Variants in PCSK2 observed in about 807,000 individuals in gnomAD.
PCSK2 encodes the protein proprotein convertase subtilisin/kexin type 2.
In PCSK2, 14 loss-of-function variants were observed where a neutral mutation model predicts 69.7. The ratio of observed to expected loss-of-function variants is 0.20; its 90% CI spans 0.13 to 0.31. The LOEUF is 0.31. Ranked by LOEUF, PCSK2 falls within the 10% of genes least tolerant of loss-of-function variation. The pLI is 1.00. For missense variants in PCSK2, 544 were observed against 842.5 expected, an observed-to-expected ratio of 0.65 and a Z score of 4.39; for synonymous variants, 307 against 320.7, an observed-to-expected ratio of 0.96 and a Z score of 0.46.
At chr20:17,322,891 G>A (rs1174133229) in intron 2 of PCSK2, among the ~76,000 whole-genome samples, 1 of 152,088 alleles carries the variant, frequency 6.6e-6, no homozygotes, top group South Asian at 2.1e-4. Context: ...TTGAGATGGA[G>A]TTCACTCTGT....
chr20:17,346,003 A>G (rs187120614), intron 2 of PCSK2, among the ~76,000 whole-genome samples: 4 of 152,310 alleles, frequency 2.6e-5, no homozygotes, highest in Admixed American at 6.5e-5. Context: ...GCATAATTGA[A>G]TGAAACTGCA....
At chr20:17,435,613 C>T (rs909410592) in intron 7 of PCSK2, among the ~76,000 whole-genome samples, 20 of 152,142 alleles carry the variant, frequency 1.3e-4, no homozygotes, top group African/African-American at 2.9e-4. Flanking sequence ...CTTTGGCCAC[C>T]GGGGACAAGG....
intron 1 of PCSK2, among the ~76,000 whole-genome samples, chr20:17,251,649 C>CT (rs928214115): frequency 1.3e-5 from 2 of 152,106 alleles, no homozygotes; most frequent in Non-Finnish European, 2.9e-5. Flanking sequence ...AGAAATAAAA[C>CT]TTTTTTTTCA....
At chr20:17,455,377 A>C (rs1380687768) in intron 9 of PCSK2, among the ~76,000 whole-genome samples, 1 of 152,160 alleles carries the variant, frequency 6.6e-6, no homozygotes, top group Non-Finnish European at 1.5e-5. Context: ...AAACATTGAA[A>C]ATGAGGTTTT....
intron 2 of PCSK2, among the ~76,000 whole-genome samples, chr20:17,306,215 T>C (rs1357386639): frequency 6.6e-6 from 1 of 152,196 alleles, no homozygotes; most frequent in Admixed American, 6.5e-5. Flanking sequence ...AGTCGTTTCT[T>C]GGTTTGTAGA....
intron 5 of PCSK2, among the ~76,000 whole-genome samples, chr20:17,389,651 T>C (rs1291690155): frequency 2.6e-5 from 4 of 152,148 alleles, no homozygotes; most frequent in Admixed American, 1.3e-4. Flanking sequence ...ATCTTATCTC[T>C]CTAATCTGGG....
chr20:17,463,136 GCT>G (rs11468169), intron 10 of PCSK2, among the ~76,000 whole-genome samples: 63,504 of 151,822 alleles, frequency 0.42, 13,369 homozygotes, highest in South Asian at 0.6. Flanking sequence ...TCTCTCTCAT[GCT>G]CTCTCTCTTT....
At chr20:17,441,194 C>T (rs2032588306) in intron 8 of PCSK2, among the ~76,000 whole-genome samples, 8 of 152,208 alleles carry the variant, frequency 5.3e-5, no homozygotes, top group Admixed American at 1.3e-4. Context: ...CAGCTGCCAC[C>T]TGCCCTTGAT....
At chr20:17,234,903 T>C (rs1421071473) in intron 1 of PCSK2, among the ~76,000 whole-genome samples, 3 of 152,178 alleles carry the variant, frequency 2.0e-5, no homozygotes, top group African/African-American at 4.8e-5. Flanking sequence ...AACTCTGTGC[T>C]GAATTTGTGA....
At chr20:17,472,639 T>C (rs1414479454) in intron 11 of PCSK2, among the ~76,000 whole-genome samples, 1 of 152,194 alleles carries the variant, frequency 6.6e-6, no homozygotes, top group East Asian at 1.9e-4. Flanking sequence ...CGATCTTGGC[T>C]CACTACAACC....
At chr20:17,325,555 T>A (rs1990020868) in intron 2 of PCSK2, among the ~76,000 whole-genome samples, 1 of 152,242 alleles carries the variant, frequency 6.6e-6, no homozygotes, top group Non-Finnish European at 1.5e-5. Flanking sequence ...TGGTAGGTCA[T>A]ATCTCAATTA....
intron 5 of PCSK2, among the ~76,000 whole-genome samples, chr20:17,404,243 CCA>C (rs2031705593): frequency 6.6e-6 from 1 of 152,192 alleles, no homozygotes; most frequent in African/African-American, 2.4e-5. Context: ...TGTAGTTGGA[CCA>C]CAGAGTTTGC....
chr20:17,303,743 A>T (rs1345705439), intron 2 of PCSK2, among the ~76,000 whole-genome samples: 2 of 145,678 alleles, frequency 1.4e-5, no homozygotes. Context: ...CACCCATCTA[A>T]TTTTTGTATT....
In PCSK2 at chr20:17,348,645, A is replaced by C. The variant is rs142767786; in HGVS notation, c.283-9682A>C. 8.7e-3 allele frequency among the ~76,000 whole-genome samples: 1,320 copies of C among 152,288 alleles called. 19 individuals carry two copies. The highest frequency in any genetic ancestry group is 0.029 in the African/African-American group (1,209 of 41,562). ...GTATGGAGGTAAAAGTCTCAGATGA[A>C]GGTGTCATCAGGGTTGGTTTCATCA... On this transcript the variant is annotated intron_variant, in intron 2 of 11. Coordinates refer to ENST00000262545, the MANE Select transcript of PCSK2 (RefSeq NM_002594.5).
At chr20:17,385,642 T>C (rs973489113) in intron 5 of PCSK2, among the ~76,000 whole-genome samples, 6 of 152,186 alleles carry the variant, frequency 3.9e-5, no homozygotes, top group African/African-American at 1.4e-4. Context: ...TTTACTGTCT[T>C]AGCTGGGATT....
intron 2 of PCSK2, among the ~76,000 whole-genome samples, chr20:17,345,948 T>C (rs1023828482): frequency 4.6e-5 from 7 of 152,204 alleles, no homozygotes; most frequent in African/African-American, 7.2e-5. Context: ...ACACATGACC[T>C]TGATGCTATT....
intron 11 of PCSK2, among the ~76,000 whole-genome samples, chr20:17,470,130 GC>G (rs2033175590): frequency 6.6e-6 from 1 of 152,166 alleles, no homozygotes; most frequent in African/African-American, 2.4e-5. Flanking sequence ...CATGAAATGG[GC>G]GTTGACAACT....
intron 2 of PCSK2, among the ~76,000 whole-genome samples, chr20:17,332,174 G>A (rs1185376761): frequency 1.3e-5 from 2 of 152,178 alleles, no homozygotes; most frequent in Non-Finnish European, 2.9e-5. Context: ...CTCATTAACA[G>A]CTACTAAATG....
chr20:17,345,550 G>A (rs1251699472), intron 2 of PCSK2, among the ~76,000 whole-genome samples: 1 of 152,144 alleles, frequency 6.6e-6, no homozygotes, highest in South Asian at 2.1e-4. Flanking sequence ...AAACAAATGG[G>A]CATAGCTATG....
Sources: allele counts gnomAD v4.1 joint callset (sites outside exome capture counted in the v4.1 genomes callset), GRCh38; gene constraint gnomAD v4.1.1; transcripts MANE v1.5; gene names NCBI Gene and HGNC (gene_info 2026-07-23, HGNC 2026-07-21).